PREX2: variants seen among roughly 807,000 people sequenced by gnomAD.
The protein encoded by PREX2 is phosphatidylinositol 3,4,5-trisphosphate-dependent Rac exchanger 2 protein.
PREX2 carries 107 observed loss-of-function variants against 203.2 expected under a neutral mutation model. That is an observed-to-expected ratio of 0.53 (90% CI 0.45 to 0.62). The LOEUF is 0.62. Ranked by LOEUF, PREX2 falls within the 20% of genes least tolerant of loss-of-function variation. PREX2 has a pLI of 0.00. For synonymous variants in PREX2, 672 were observed against 663.6 expected (o/e 1.01, Z -0.19); for missense variants, 1,777 against 1,955.9 (o/e 0.91, Z 1.72).
Position 68,080,636 on chromosome 8 carries a change from A to G in PREX2, c.1785+51A>G. Reference sequence around the variant, plus strand: ...GTTTTCTTCTTGATTAGACACTAGCAGAAGACTGCGTTAAACATGTTTGAC... The same window carrying G: ...GTTTTCTTCTTGATTAGACACTAGCGGAAGACTGCGTTAAACATGTTTGAC... On this transcript the variant is annotated intron_variant, in intron 16 of 39. Coordinates refer to ENST00000288368, the MANE Select transcript of PREX2 (RefSeq NM_024870.4). 2.7e-6 allele frequency: 4 copies of G among 1,503,298 alleles called. No homozygotes were observed. In the South Asian group the frequency reaches 4.8e-5, roughly 18 times the overall value. 93.1% of individuals were successfully genotyped at this position (1,503,298 alleles called of 1,614,324 possible). A position where few individuals can be genotyped will look rare whatever the true frequency, so the allele number is the denominator to read the frequency against.
chr8:68,070,755 T>C (rs1809170152), intron 13 of PREX2, among the ~76,000 whole-genome samples: 1 of 152,068 alleles, frequency 6.6e-6, no homozygotes, highest in Non-Finnish European at 1.5e-5. Flanking sequence ...TCCAAGAAAA[T>C]GCGAAGCTTA....
chr8:68,032,471 T>G (rs1005055225), intron 6 of PREX2, among the ~76,000 whole-genome samples: 1 of 152,100 alleles, frequency 6.6e-6, no homozygotes, highest in Non-Finnish European at 1.5e-5. Context: ...ATTGGGAGTT[T>G]TGGGACTTTG....
At position 67,975,272 on chromosome 8, in the gene PREX2, G is replaced by GT. The variant is rs75276095; in HGVS notation, c.141+22764dup. The stretch of plus-strand genomic sequence containing the variant: ...GGCTGATGTTACCTGCACACGGCCT[G>GT]TTTTTTTTTTTTTTTTTTTTTTTTT... On this transcript the variant is annotated intron_variant, in intron 1 of 39. Transcript: ENST00000288368. Among the ~76,000 whole-genome samples the GT allele has an allele frequency of 7.1e-3, 685 of 96,756 alleles. 63 individuals carry two copies. The highest frequency in any genetic ancestry group is 7.6e-3 in the Non-Finnish European group (374 of 49,200). 63.5% of individuals were successfully genotyped at this position (96,756 alleles called of 152,430 possible).
At chr8:68,037,924 C>G (rs1808081315) in intron 6 of PREX2, among the ~76,000 whole-genome samples, 1 of 152,124 alleles carries the variant, frequency 6.6e-6, no homozygotes, top group South Asian at 2.1e-4. Flanking sequence ...CACAACACAC[C>G]TGGAAGGAGA....
intron 1 of PREX2, among the ~76,000 whole-genome samples, chr8:67,963,608 A>C (rs1387770986): frequency 2.0e-5 from 3 of 152,154 alleles, no homozygotes; most frequent in African/African-American, 7.2e-5. Context: ...GATTACGCTA[A>C]AACTGCACTT....
intron 1 of PREX2, among the ~76,000 whole-genome samples, chr8:67,956,999 G>A (rs932794645): frequency 2.0e-5 from 3 of 152,136 alleles, no homozygotes; most frequent in South Asian, 2.1e-4. Flanking sequence ...TTTCTCAGGG[G>A]TATTGTAAGG....
chr8:68,109,288 A>T, intron 24 of PREX2, 128 bp from the exon 25 acceptor site: 1 of 666,072 alleles, frequency 1.5e-6, no homozygotes, highest in Non-Finnish European at 2.5e-6. Flanking sequence ...ACGTCAAAAC[A>T]TCAGGTTGTA....
Position 67,952,514 on chromosome 8 carries a change from C to T in PREX2, c.120C>T (p.Gly40=). The change falls in exon 1 of 40, where the codon GGC becomes GGT. Residue 40 remains glycine (G), a synonymous_variant. Transcript: ENST00000288368. ...ELQKTERDYV[G]TLEFLVSAFL... ...AGAAGACCGAGCGGGACTATGTGGG[C>T]ACGCTGGAGTTCCTGGTGTCGGTGA... The T allele has an allele frequency of 1.9e-6, 3 of 1,610,398 alleles. No homozygotes were observed. Among genetic ancestry groups the T allele is most frequent in the Non-Finnish European group, 2.5e-6 (3 of 1,178,352 alleles).
chr8:68,054,347 TC>T (rs1204959257), intron 9 of PREX2, among the ~76,000 whole-genome samples: 3 of 150,492 alleles, frequency 2.0e-5, no homozygotes, highest in Admixed American at 6.6e-5. Flanking sequence ...TGAACCTTTT[TC>T]TTAAGCACCC....
intron 34 of PREX2, among the ~76,000 whole-genome samples, chr8:68,152,289 G>GAAAA (rs573525316): frequency 0.15 from 11,167 of 72,690 alleles, 1,517 homozygotes; most frequent in South Asian, 0.19. Flanking sequence ...CCCTCTCAGA[G>GAAAA]AAAAAAAAAA....
In PREX2 at chr8:67,984,537, G is replaced by A. The variant is rs568525357; in HGVS notation, c.141+32002G>A. On this transcript the variant is annotated intron_variant, in intron 1 of 39. Coordinates refer to ENST00000288368, the MANE Select transcript of PREX2 (RefSeq NM_024870.4). ...TGCCTGATTAAGGAAAATAATTACT[G>A]TGAGTTGTTCATTTATTTAACTACT... Among the ~76,000 whole-genome samples the A allele has an allele frequency of 2.6e-5, 4 of 152,278 alleles. No homozygotes were observed. The South Asian group carries it at 8.3e-4, about 32-fold the overall frequency.
Position 68,077,500 on chromosome 8 carries a change from A to G in PREX2, c.1642+31A>G, listed in dbSNP as rs187441936. On this transcript the variant is annotated intron_variant, in intron 15 of 39. Coordinates refer to ENST00000288368, the MANE Select transcript of PREX2 (RefSeq NM_024870.4). ...GATTTTTTACCCTGGGAGCTTACAG[A>G]TGTATTTCATCACGTTGGTTCTTAG... 1.4e-3 allele frequency: 2,028 copies of G among 1,485,986 alleles called. 37 individuals carry two copies. In the East Asian group the frequency reaches 0.027, roughly 20 times the overall value. The allele number at this position is 1,485,986 out of a possible 1,614,324, so 92.1% of individuals were successfully genotyped here. A position where few individuals can be genotyped will look rare whatever the true frequency, so the allele number is the denominator to read the frequency against.
At chr8:68,206,312 G>T (rs781243621) in intron 37 of PREX2, among the ~76,000 whole-genome samples, 1 of 152,176 alleles carries the variant, frequency 6.6e-6, no homozygotes, top group South Asian at 2.1e-4. Context: ...TAGCATTCCT[G>T]ACTACTCAGA....
At chr8:68,152,791 G>T (rs913717190) in intron 34 of PREX2, among the ~76,000 whole-genome samples, 2 of 152,162 alleles carry the variant, frequency 1.3e-5, no homozygotes, top group African/African-American at 4.8e-5. Context: ...TGGCGAGGAG[G>T]CCTCAGAGTT....
intron 6 of PREX2, 70 bp from the exon 7 acceptor site, chr8:68,038,089 G>A (rs1180737774): frequency 1.3e-6 from 2 of 1,492,742 alleles, no homozygotes; most frequent in African/African-American, 2.8e-5. Flanking sequence ...ATAATTGTAA[G>A]TCGAAAAATA....
At chr8:68,112,725 G>A (rs926164443) in intron 25 of PREX2, among the ~76,000 whole-genome samples, 15 of 152,134 alleles carry the variant, frequency 9.9e-5, no homozygotes, top group South Asian at 2.1e-4. Context: ...GAGTGTGCAA[G>A]TTAGATGCAG....
chr8:68,023,748 T>C (rs1807635656), intron 4 of PREX2, among the ~76,000 whole-genome samples: 1 of 152,112 alleles, frequency 6.6e-6, no homozygotes, highest in Admixed American at 6.6e-5. Flanking sequence ...CTATTGTGAT[T>C]GAAATTATCT....
chr8:68,201,898 C>T (rs1812509093), intron 37 of PREX2, among the ~76,000 whole-genome samples: 1 of 137,672 alleles, frequency 7.3e-6, no homozygotes, highest in Non-Finnish European at 1.5e-5. Context: ...AAGGTAACAC[C>T]TATTTTTTTT....
chr8:68,068,618 C>T (rs1303865722), intron 11 of PREX2, among the ~76,000 whole-genome samples: 1 of 151,978 alleles, frequency 6.6e-6, no homozygotes, highest in Non-Finnish European at 1.5e-5. Flanking sequence ...AATCACAATG[C>T]ACTAGTTTGA....
Sources: gnomAD v4.1 joint callset for allele counts (sites outside exome capture counted in the v4.1 genomes callset) on GRCh38, gnomAD v4.1.1 for gene constraint, MANE v1.5 for transcripts, NCBI Gene and HGNC (gene_info 2026-07-23, HGNC 2026-07-21) for gene names.